Variants in ZBTB38 observed in about 807,000 individuals in gnomAD.
The protein encoded by ZBTB38 is zinc finger and BTB domain-containing protein 38.
Under a neutral mutation model 76.8 loss-of-function variants are expected in ZBTB38, and 20 were observed. The observed-to-expected ratio is 0.26, with a 90% CI of 0.18 to 0.38. The LOEUF is 0.38. ZBTB38 is among the 10% of genes least tolerant of loss of function. The probability of loss-of-function intolerance (pLI) is 1.00; values close to 1 mark genes in which losing one functional copy is unlikely to be tolerated. For synonymous variants in ZBTB38, 504 were observed against 544.2 expected (o/e 0.93, Z 1.03); for missense variants, 1,082 against 1,482.3 (o/e 0.73, Z 4.43).
At chr3:141,410,253 G>T (rs1462866640) in intron 5 of ZBTB38, among the ~76,000 whole-genome samples, 1 of 152,134 alleles carries the variant, frequency 6.6e-6, no homozygotes, top group Non-Finnish European at 1.5e-5. Flanking sequence ...CTACACTTGA[G>T]GAAAGTGCAT....
chr3:141,409,889 G>T (rs1370420944), intron 5 of ZBTB38, among the ~76,000 whole-genome samples: 1 of 152,202 alleles, frequency 6.6e-6, no homozygotes, highest in Non-Finnish European at 1.5e-5. Context: ...AGGCCCTGAG[G>T]AACTCTACAG....
At chr3:141,370,020 T>C (rs973845225) in intron 2 of ZBTB38, 74 bp downstream of exon 2, 1 of 152,154 alleles carries the variant, frequency 6.6e-6, no homozygotes, top group Non-Finnish European at 1.5e-5. Flanking sequence ...TGTGGTAAGA[T>C]TCAAAGAAAA....
chr3:141,386,410 T>C (rs555182342), intron 3 of ZBTB38: 1 of 152,264 alleles, frequency 6.6e-6, no homozygotes, highest in Non-Finnish European at 1.5e-5. Context: ...TTTACACTGC[T>C]TGTGGTTAAA....
intron 5 of ZBTB38, among the ~76,000 whole-genome samples, chr3:141,404,254 C>G (rs1348818110): frequency 6.6e-6 from 1 of 152,180 alleles, no homozygotes; most frequent in Admixed American, 6.5e-5. Flanking sequence ...GTTTCTTGTT[C>G]CAGTTCTGTC....
At chr3:141,397,560 C>G (rs1028680648) in intron 4 of ZBTB38, among the ~76,000 whole-genome samples, 3 of 152,184 alleles carry the variant, frequency 2.0e-5, no homozygotes, top group Non-Finnish European at 4.4e-5. Flanking sequence ...ACATACCTTC[C>G]TCATGAAGCT....
chr3:141,340,949 G>GGAAAGAAAAAAA (rs1943167199), intron 1 of ZBTB38, among the ~76,000 whole-genome samples: 1 of 111,928 alleles, frequency 8.9e-6, no homozygotes, highest in Non-Finnish European at 1.7e-5. Flanking sequence ...AAAGAAAGAA[G>GGAAAGAAAAAAA]GAAAGAAAGA....
At position 141,447,354 on chromosome 3, in the gene ZBTB38, A is replaced by G. The variant is rs2081176026; in HGVS notation, c.*1378A>G. On this transcript the variant is annotated 3_prime_UTR_variant, in exon 6 of 6. Transcript: ENST00000321464. ...CTACAAAGCCAGATGCTCTGTCTTC[A>G]TATTTGCAGACATCTAGACCCCTTG... 1.3e-5 allele frequency: 2 copies of G among 152,590 alleles called. No individual in the cohort carries two copies. Among genetic ancestry groups the G allele is most frequent in the Non-Finnish European group, 2.9e-5 (2 of 68,032 alleles). 9.5% of individuals were successfully genotyped at this position (152,590 alleles called of 1,614,324 possible).
At chr3:141,427,481 A>G (rs184640512) in intron 5 of ZBTB38, among the ~76,000 whole-genome samples, 74 of 152,316 alleles carry the variant, frequency 4.9e-4, no homozygotes, top group African/African-American at 1.7e-3. Flanking sequence ...CCCCAGGCAC[A>G]CTCAAGGAAC....
At chr3:141,350,995 A>T (rs1199033695) in intron 1 of ZBTB38, among the ~76,000 whole-genome samples, 1 of 152,236 alleles carries the variant, frequency 6.6e-6, no homozygotes, top group Non-Finnish European at 1.5e-5. Context: ...ACAGTTCACC[A>T]TTGCTTTATT....
intron 1 of ZBTB38, among the ~76,000 whole-genome samples, chr3:141,329,422 A>G (rs369891949): frequency 1.3e-5 from 2 of 152,166 alleles, no homozygotes; most frequent in Non-Finnish European, 2.9e-5. Context: ...CACACGTTTA[A>G]TGACTCGTGA....
At chr3:141,368,468 G>A (rs1477065418), upstream of ZBTB38, 1 of 151,886 alleles carries the variant, frequency 6.6e-6, no homozygotes, top group East Asian at 1.9e-4. Flanking sequence ...CGTCACCCAC[G>A]CCCGGCCACT....
chr3:141,378,559 G>A (rs545615202), intron 2 of ZBTB38, among the ~76,000 whole-genome samples: 2 of 152,342 alleles, frequency 1.3e-5, no homozygotes, highest in African/African-American at 4.8e-5. Context: ...CACAAAAAAG[G>A]TATTAAAACT....
chr3:141,433,637 CA>C (rs1445216055), intron 5 of ZBTB38, among the ~76,000 whole-genome samples: 2 of 151,672 alleles, frequency 1.3e-5, no homozygotes, highest in East Asian at 1.9e-4. Flanking sequence ...TTTTTTAAAA[CA>C]AAAAAATAAT....
At chr3:141,395,622 T>C (rs1950185098) in intron 4 of ZBTB38, among the ~76,000 whole-genome samples, 1 of 152,198 alleles carries the variant, frequency 6.6e-6, no homozygotes, top group Admixed American at 6.5e-5. Flanking sequence ...ATAGTAATAA[T>C]GATATACTAT....
At chr3:141,352,161 A>AT (rs948978016) in intron 1 of ZBTB38, among the ~76,000 whole-genome samples, 3 of 152,094 alleles carry the variant, frequency 2.0e-5, no homozygotes, top group African/African-American at 4.8e-5. Flanking sequence ...TCAATAAATA[A>AT]TTTTTTTATA....
chr3:141,397,306 G>A (rs528872894), intron 4 of ZBTB38, among the ~76,000 whole-genome samples: 16 of 152,236 alleles, frequency 1.1e-4, no homozygotes, highest in African/African-American at 3.6e-4. Flanking sequence ...ACCTCTCCTA[G>A]TCTTCCTAGA....
At chr3:141,367,192 A>T (rs1325407437), upstream of ZBTB38, 1 of 152,238 alleles carries the variant, frequency 6.6e-6, no homozygotes, top group African/African-American at 2.4e-5. Flanking sequence ...CCCCAGATGG[A>T]CTGACCCTCC....
At chr3:141,440,647 G>A (rs73872729) in intron 5 of ZBTB38, among the ~76,000 whole-genome samples, 1 of 152,128 alleles carries the variant, frequency 6.6e-6, no homozygotes, top group Non-Finnish European at 1.5e-5. Flanking sequence ...GGGTTTTTTT[G>A]TGTGTGTGTT....
At chr3:141,419,570 G>A (rs1404751916) in intron 5 of ZBTB38, among the ~76,000 whole-genome samples, 1 of 152,232 alleles carries the variant, frequency 6.6e-6, no homozygotes, top group Non-Finnish European at 1.5e-5. Flanking sequence ...CCAGTGACAT[G>A]TGATGTGGTG....
Sources: gnomAD v4.1 joint callset for allele counts (sites outside exome capture counted in the v4.1 genomes callset) on GRCh38, gnomAD v4.1.1 for gene constraint, MANE v1.5 for transcripts, NCBI Gene and HGNC (gene_info 2026-07-23, HGNC 2026-07-21) for gene names.